Variants in NFKBIZ observed in about 807,000 individuals in gnomAD.
NFKBIZ encodes NF-kappa-B inhibitor zeta.
Under a neutral mutation model 76.8 loss-of-function variants are expected in NFKBIZ, and 19 were observed. That is an observed-to-expected ratio of 0.25 (90% CI 0.17 to 0.36). The LOEUF is 0.36. Ranked by LOEUF, NFKBIZ falls within the 10% of genes least tolerant of loss-of-function variation. The pLI is 1.00. For synonymous variants in NFKBIZ, 368 were observed against 354.8 expected, an observed-to-expected ratio of 1.04 and a Z score of -0.42; for missense variants, 829 against 910.9, an observed-to-expected ratio of 0.91 and a Z score of 1.16.
chr3:101,828,447 G>T (rs531702087), intron 1 of NFKBIZ, among the ~76,000 whole-genome samples: 1 of 152,114 alleles, frequency 6.6e-6, no homozygotes, highest in South Asian at 2.1e-4. Flanking sequence ...ACTAATGGAG[G>T]AGATCGATAG....
rs1476240118 is a variant in NFKBIZ, at chr3:101,849,549, C to T, written c.-80C>T. Reference sequence around the variant, plus strand: ...GCGCCGTCCGCCCGCCGACAGCTCCCTGAGCCAGCCCGGGAGGCAGCCGCG... The same window carrying T: ...GCGCCGTCCGCCCGCCGACAGCTCCTTGAGCCAGCCCGGGAGGCAGCCGCG... On this transcript the variant is annotated 5_prime_UTR_variant, in exon 1 of 12. Coordinates refer to ENST00000326172, the MANE Select transcript of NFKBIZ (RefSeq NM_031419.4). The T allele has an allele frequency of 1.0e-5, 13 of 1,241,620 alleles. No homozygotes were observed. The East Asian group carries it at 1.3e-4, about 12-fold the overall frequency. 76.9% of individuals were successfully genotyped at this position (1,241,620 alleles called of 1,614,324 possible).
intron 2 of NFKBIZ, among the ~76,000 whole-genome samples, chr3:101,844,156 T>A (rs1005418650): frequency 2.0e-4 from 30 of 152,302 alleles, no homozygotes; most frequent in Non-Finnish European, 3.5e-4. Flanking sequence ...CAAACAGTAT[T>A]TGATTAGAAC....
In NFKBIZ at chr3:101,849,528, C is replaced by G. The variant is rs1275623320; in HGVS notation, c.-101C>G. On this transcript the variant is annotated 5_prime_UTR_variant, in exon 1 of 12. Coordinates refer to ENST00000326172, the MANE Select transcript of NFKBIZ (RefSeq NM_031419.4). ...GCGCCGCGCCCGTACTGGCCCGCGC[C>G]GTCCGCCCGCCGACAGCTCCCTGAG... 10 of 1,071,172 alleles carry G rather than the reference C, an allele frequency of 9.3e-6. No individual in the cohort carries two copies. The highest frequency in any genetic ancestry group is 4.3e-5 in the Admixed American group (1 of 23,122). The allele number at this position is 1,071,172 out of a possible 1,614,324, so 66.4% of individuals were successfully genotyped here.
rs897681771 is a variant in NFKBIZ at position 101,860,177 on chromosome 3, A to G, written c.*806A>G. The stretch of plus-strand genomic sequence containing the variant: ...TTATACATTATTTGTAGGGAATTGC[A>G]TGCTTTTTTTTTTTTTTCTCCCGAG... On this transcript the variant is annotated 3_prime_UTR_variant, in exon 12 of 12. Transcript: ENST00000326172. The G allele has an allele frequency of 7.4e-5, 11 of 149,246 alleles. No homozygotes were observed. The highest frequency in any genetic ancestry group is 2.7e-4 in the African/African-American group (11 of 40,720). The allele number at this position is 149,246 out of a possible 1,614,324, so 9.2% of individuals were successfully genotyped here.
At position 101,849,532 on chromosome 3, in the gene NFKBIZ, C is replaced by A. The variant is rs1391988625; in HGVS notation, c.-97C>A. 2 of 1,117,462 alleles carry A rather than the reference C, an allele frequency of 1.8e-6. No individual in the cohort carries two copies. The highest frequency in any genetic ancestry group is 1.1e-6 in the Non-Finnish European group (1 of 871,408). 69.2% of individuals were successfully genotyped at this position (1,117,462 alleles called of 1,614,324 possible). A position where few individuals can be genotyped will look rare whatever the true frequency, so the allele number is the denominator to read the frequency against. ...CGCGCCCGTACTGGCCCGCGCCGTC[C>A]GCCCGCCGACAGCTCCCTGAGCCAG... On this transcript the variant is annotated 5_prime_UTR_variant, in exon 1 of 12. Transcript: ENST00000326172.
In NFKBIZ at chr3:101,855,740, T is replaced by C; in HGVS notation, c.1662T>C (p.Thr554=). The change falls in exon 9 of 12, where the codon ACT becomes ACC. Residue 554 remains threonine (T), a synonymous_variant. Coordinates refer to ENST00000326172, the MANE Select transcript of NFKBIZ (RefSeq NM_031419.4). The stretch of plus-strand genomic sequence containing the variant: ...ATTATACTTTTCTTCTAGGCCTGAC[T>C]CCCCTTCACTGTGCAGTCATAGCCC... ...DLEATNYDGL[T]PLHCAVIAHN... is the part of the protein sequence containing the mutation. 1.3e-6 allele frequency: 2 copies of C among 1,590,032 alleles called. No homozygotes were observed. Among genetic ancestry groups the C allele is most frequent in the South Asian group, 2.3e-5 (2 of 87,178 alleles).
chr3:101,850,917 C>T (rs1576814439), intron 1 of NFKBIZ, among the ~76,000 whole-genome samples: 1 of 152,348 alleles, frequency 6.6e-6, no homozygotes, highest in South Asian at 2.1e-4. Context: ...AACTGTTCTG[C>T]TGGTCCCTTG....
chr3:101,843,020 TAAAAAAAAAAAAAA>T (rs35824432), intron 2 of NFKBIZ, among the ~76,000 whole-genome samples: 1 of 66,436 alleles, frequency 1.5e-5, no homozygotes. Context: ...CTGTATTTTC[TAAAAAAAAAAAAAA>T]AAAAAAAAAA....
At position 101,857,137 on chromosome 3, in the gene NFKBIZ, G is replaced by A. The variant is rs1412585742; in HGVS notation, c.1889G>A (p.Arg630His). 8.1e-6 allele frequency: 13 copies of A among 1,612,376 alleles called. No homozygotes were observed. Among genetic ancestry groups the A allele is most frequent in the East Asian group, 2.2e-5 (1 of 44,806 alleles). The change falls in exon 10 of 12, where the codon CGC becomes CAC. Residue 630 changes from arginine to histidine, a missense_variant. Transcript: ENST00000326172. ...GAAGAAGCAAATCTGGAACTCATTCGCCTCTTTTTGGAGCTGCCCAGTTGC... is the reference window on the plus strand; with the variant it reads ...GAAGAAGCAAATCTGGAACTCATTCACCTCTTTTTGGAGCTGCCCAGTTGC... ...AAEEANLELIRLFLELPSCLS... is the reference protein window; with the variant it reads ...AAEEANLELIHLFLELPSCLS...
intron 9 of NFKBIZ, 147 bp from the exon 10 acceptor site, chr3:101,856,926 A>G (rs1943057536): frequency 3.2e-6 from 2 of 618,654 alleles, no homozygotes; most frequent in Admixed American, 5.6e-5. Flanking sequence ...TTAGCTTGGG[A>G]TTAAGCAAGG....
intron 6 of NFKBIZ, 85 bp from the exon 7 acceptor site, chr3:101,854,977 T>A: frequency 7.1e-7 from 1 of 1,401,866 alleles, no homozygotes; most frequent in East Asian, 2.3e-5. Flanking sequence ...TGTGGGTTTT[T>A]CCCTCAGTCA....
intron 1 of NFKBIZ, among the ~76,000 whole-genome samples, chr3:101,851,216 T>C (rs1264924874): frequency 6.6e-6 from 1 of 152,280 alleles, no homozygotes; most frequent in Non-Finnish European, 1.5e-5. Context: ...ATTCATTTCC[T>C]GACTTTGTGA....
chr3:101,856,856 T>C, intron 9 of NFKBIZ: 1 of 470,316 alleles, frequency 2.1e-6, no homozygotes, highest in South Asian at 3.6e-5. Context: ...AAAAGGTACA[T>C]TGTGACAAGA....
chr3:101,838,850 T>A (rs1942755025), intron 2 of NFKBIZ, among the ~76,000 whole-genome samples: 1 of 152,250 alleles, frequency 6.6e-6, no homozygotes, highest in Non-Finnish European at 1.5e-5. Context: ...TTTTGTCTGT[T>A]AGTATGCATT....
At chr3:101,857,241 C>G (rs376137837) in intron 10 of NFKBIZ, 51 bp from the exon 11 acceptor site, 2 of 1,611,120 alleles carry the variant, frequency 1.2e-6, no homozygotes, top group African/African-American at 1.3e-5. Context: ...GAGCTCCTTT[C>G]ATGAAATTTC....
At chr3:101,838,260 T>C (rs1942747466) in intron 2 of NFKBIZ, among the ~76,000 whole-genome samples, 1 of 152,236 alleles carries the variant, frequency 6.6e-6, no homozygotes, top group Admixed American at 6.5e-5. Context: ...CATTGTACAT[T>C]ATCTCATGCC....
chr3:101,851,907 C>T (rs1368478089), intron 1 of NFKBIZ, among the ~76,000 whole-genome samples, 178 bp from the exon 2 acceptor site: 1 of 152,200 alleles, frequency 6.6e-6, no homozygotes, highest in Non-Finnish European at 1.5e-5. Flanking sequence ...AACTTAGGAC[C>T]TTTGAGCAGA....
chr3:101,832,545 G>A (rs1942660848), intron 2 of NFKBIZ, among the ~76,000 whole-genome samples: 1 of 152,114 alleles, frequency 6.6e-6, no homozygotes, highest in African/African-American at 2.4e-5. Flanking sequence ...CATACCTTAT[G>A]TAAGTGGAAT....
At chr3:101,855,978 C>T (rs1943043700) in intron 9 of NFKBIZ, 76 bp downstream of exon 9, 1 of 1,298,144 alleles carries the variant, frequency 7.7e-7, no homozygotes, top group Non-Finnish European at 1.1e-6. Context: ...CTTCCAAGTA[C>T]AGATTCAAAC....
Sources: gnomAD v4.1 joint callset for allele counts (sites outside exome capture counted in the v4.1 genomes callset) on GRCh38, gnomAD v4.1.1 for gene constraint, MANE v1.5 for transcripts, NCBI Gene and HGNC (gene_info 2026-07-23, HGNC 2026-07-21) for gene names.